Variants in SMYD3 observed in about 807,000 individuals in gnomAD.
The protein encoded by SMYD3 is SET and MYND domain containing 3, also known as histone-lysine N-methyltransferase SMYD3.
SMYD3 carries 36 observed loss-of-function variants against 57.7 expected under a neutral mutation model. That is an observed-to-expected ratio of 0.62 (90% CI 0.48 to 0.82). The LOEUF (loss-of-function observed/expected upper bound fraction) is 0.82, where lower values mean the gene tolerates loss of function less well. Among genes scored for constraint, SMYD3 ranks in the 40% least tolerant of loss-of-function variants. The pLI is 0.00. For missense variants in SMYD3, 515 were observed against 538.8 expected, an observed-to-expected ratio of 0.96 and a Z score of 0.44; for synonymous variants, 211 against 195.0, an observed-to-expected ratio of 1.08 and a Z score of -0.68.
chr1:246,320,857 A>G (rs528652337), intron 5 of SMYD3, among the ~76,000 whole-genome samples: 1 of 152,372 alleles, frequency 6.6e-6, no homozygotes, highest in South Asian at 2.1e-4. Context: ...ATAGAGAAAT[A>G]CAATACATTC....
At chr1:246,012,054 T>C (rs1395815572) in intron 5 of SMYD3, among the ~76,000 whole-genome samples, 1 of 152,170 alleles carries the variant, frequency 6.6e-6, no homozygotes, top group African/African-American at 2.4e-5. Flanking sequence ...CCACTGATAC[T>C]GGCTACCAAC....
intron 5 of SMYD3, among the ~76,000 whole-genome samples, chr1:246,226,864 T>A (rs1352286079): frequency 6.6e-6 from 1 of 152,224 alleles, no homozygotes; most frequent in Non-Finnish European, 1.5e-5. Flanking sequence ...TGTTTAATAA[T>A]CTTCATTAAT....
intron 1 of SMYD3, among the ~76,000 whole-genome samples, chr1:246,401,336 A>T (rs2066764981): frequency 6.6e-6 from 1 of 151,798 alleles, no homozygotes; most frequent in South Asian, 2.1e-4. Context: ...ATCTCTATTT[A>T]AACTTTTTTT....
intron 5 of SMYD3, among the ~76,000 whole-genome samples, chr1:246,027,724 G>GT (rs1207065889): frequency 6.6e-6 from 1 of 152,190 alleles, no homozygotes; most frequent in Non-Finnish European, 1.5e-5. Flanking sequence ...GACGAATGCT[G>GT]TTTTCTTGCC....
chr1:246,002,332 C>A (rs1463357934), intron 5 of SMYD3, among the ~76,000 whole-genome samples: 1 of 68,030 alleles, frequency 1.5e-5, no homozygotes, highest in Non-Finnish European at 3.8e-5. Flanking sequence ...CTGCAGGCTC[C>A]CGCCACCACG....
intron 10 of SMYD3, among the ~76,000 whole-genome samples, chr1:245,809,006 C>T (rs148560725): frequency 2.0e-5 from 3 of 152,222 alleles, no homozygotes; most frequent in South Asian, 2.1e-4. Context: ...CCGCCCGCCT[C>T]GGCCTCCCAA....
At chr1:245,888,749 A>T (rs962101600) in intron 8 of SMYD3, among the ~76,000 whole-genome samples, 3 of 152,228 alleles carry the variant, frequency 2.0e-5, no homozygotes, top group Non-Finnish European at 2.9e-5. Flanking sequence ...GTATGCAATC[A>T]ATAACATGCA....
intron 5 of SMYD3, among the ~76,000 whole-genome samples, chr1:246,176,739 T>A (rs2062441715): frequency 6.6e-6 from 1 of 152,116 alleles, no homozygotes; most frequent in Non-Finnish European, 1.5e-5. Flanking sequence ...TCCAGGCTGG[T>A]CTGAAACTCC....
In SMYD3 at chr1:246,016,678, T is replaced by C. The variant is rs61998210; in HGVS notation, c.532-86741A>G. On this transcript the variant is annotated intron_variant, in intron 5 of 11. Transcript: ENST00000490107. ...CAAACACAAGAAATCTTGCTCTCAG[T>C]AGGACAAAGGCAGGCAGAAGCACTG... 1.4e-3 allele frequency among the ~76,000 whole-genome samples: 216 copies of C among 151,636 alleles called. 2 individuals are homozygous for C. The highest frequency in any genetic ancestry group is 4.9e-3 in the African/African-American group (203 of 41,304).
At chr1:245,985,570 T>C (rs1286016469) in intron 5 of SMYD3, among the ~76,000 whole-genome samples, 1 of 152,168 alleles carries the variant, frequency 6.6e-6, no homozygotes, top group Non-Finnish European at 1.5e-5. Context: ...ATCCACCTCT[T>C]AACTGTCTCA....
chr1:246,194,271 T>G (rs941437972), intron 5 of SMYD3, among the ~76,000 whole-genome samples: 2 of 149,606 alleles, frequency 1.3e-5, no homozygotes, highest in African/African-American at 5.0e-5. Context: ...GGGGTTTTTT[T>G]GTTTTTTTTT....
intron 1 of SMYD3, among the ~76,000 whole-genome samples, chr1:246,448,508 G>A (rs1054879747): frequency 1.3e-5 from 2 of 151,918 alleles, no homozygotes; most frequent in African/African-American, 4.8e-5. Flanking sequence ...CAGATCGTAG[G>A]TAACTACGAC....
chr1:246,481,847 AG>A (rs2068114295), intron 1 of SMYD3, among the ~76,000 whole-genome samples: 1 of 151,098 alleles, frequency 6.6e-6, no homozygotes, highest in Admixed American at 6.6e-5. Flanking sequence ...ACCTTAATAC[AG>A]GGGTTCAAAA....
chr1:246,136,929 T>A (rs1342780112), intron 5 of SMYD3, among the ~76,000 whole-genome samples: 1 of 151,978 alleles, frequency 6.6e-6, no homozygotes, highest in African/African-American at 2.4e-5. Flanking sequence ...GCAATGAGAG[T>A]TCACGGAAAG....
chr1:245,814,814 ACACACACGCACG>A (rs1210898091), intron 10 of SMYD3, among the ~76,000 whole-genome samples: 2 of 151,664 alleles, frequency 1.3e-5, no homozygotes, highest in Non-Finnish European at 1.5e-5. Flanking sequence ...CCATGCACAC[ACACACACGCACG>A]CACACACGCA....
chr1:246,316,951 C>A (rs1490898181), intron 5 of SMYD3, among the ~76,000 whole-genome samples: 2 of 150,582 alleles, frequency 1.3e-5, no homozygotes, highest in African/African-American at 4.9e-5. Context: ...GCTGTGATCA[C>A]GCCACTACAC....
chr1:246,307,627 G>A (rs981169794), intron 5 of SMYD3, among the ~76,000 whole-genome samples: 1 of 151,958 alleles, frequency 6.6e-6, no homozygotes, highest in Admixed American at 6.6e-5. Context: ...CACCGTTTTA[G>A]CCGGGATGGT....
At chr1:246,091,137 G>T (rs530598406) in intron 5 of SMYD3, among the ~76,000 whole-genome samples, 1 of 152,204 alleles carries the variant, frequency 6.6e-6, no homozygotes, top group Non-Finnish European at 1.5e-5. Context: ...GATGCCAGGC[G>T]TACTGGGGAA....
chr1:246,138,480 C>A (rs1189317029), intron 5 of SMYD3, among the ~76,000 whole-genome samples: 1 of 138,632 alleles, frequency 7.2e-6, no homozygotes, highest in Non-Finnish European at 1.6e-5. Context: ...GGCTGGAGTG[C>A]AGTGGCGCGA....
Sources: allele counts gnomAD v4.1 joint callset (sites outside exome capture counted in the v4.1 genomes callset), GRCh38; gene constraint gnomAD v4.1.1; transcripts MANE v1.5; gene names NCBI Gene and HGNC (gene_info 2026-07-23, HGNC 2026-07-21).